DLC1: variants seen among roughly 807,000 people sequenced by gnomAD.
The protein encoded by DLC1 is DLC1 Rho GTPase activating protein, also known as rho GTPase-activating protein 7.
Under a neutral mutation model 140.3 loss-of-function variants are expected in DLC1, and 54 were observed. The ratio of observed to expected loss-of-function variants is 0.38; its 90% confidence interval spans 0.31 to 0.48. The LOEUF (loss-of-function observed/expected upper bound fraction) is 0.48. Ranked by LOEUF, DLC1 falls within the 20% of genes least tolerant of loss-of-function variation. The pLI is 0.96. For synonymous variants in DLC1, 986 were observed against 728.1 expected (o/e 1.35, Z -5.70); for missense variants, 2,536 against 1,907.0 (o/e 1.33, Z -6.14).
intron 2 of DLC1, among the ~76,000 whole-genome samples, chr8:13,443,955 A>G (rs886434626): frequency 2.2e-4 from 34 of 152,310 alleles, no homozygotes; most frequent in African/African-American, 7.0e-4. Context: ...CAATATCCTG[A>G]AGCTATCTGA....
At chr8:13,236,275 A>T (rs1023942370) in intron 5 of DLC1, among the ~76,000 whole-genome samples, 1 of 152,062 alleles carries the variant, frequency 6.6e-6, no homozygotes, top group South Asian at 2.1e-4. Context: ...TTGATTTTCT[A>T]TAGACTTTAA....
intron 6 of DLC1, among the ~76,000 whole-genome samples, chr8:13,112,719 AT>A (rs1820220444): frequency 6.6e-6 from 1 of 152,104 alleles, no homozygotes; most frequent in Admixed American, 6.6e-5. Context: ...TTGTTTTCAA[AT>A]TTTTTAAATA....
chr8:13,200,610 GT>G (rs1317711848), intron 5 of DLC1, among the ~76,000 whole-genome samples: 1 of 150,586 alleles, frequency 6.6e-6, no homozygotes, highest in Non-Finnish European at 1.5e-5. Flanking sequence ...GTGTGTGTGT[GT>G]TTTTTTTTAG....
At chr8:13,128,700 G>A (rs1175253047) in intron 5 of DLC1, among the ~76,000 whole-genome samples, 1 of 152,066 alleles carries the variant, frequency 6.6e-6, no homozygotes, top group Non-Finnish European at 1.5e-5. Context: ...GGGCATTGTG[G>A]CGGCGCCTAC....
chr8:13,178,369 T>C (rs1255911929), intron 5 of DLC1, among the ~76,000 whole-genome samples: 1 of 152,050 alleles, frequency 6.6e-6, no homozygotes, highest in East Asian at 1.9e-4. Flanking sequence ...AAGACCATCC[T>C]GGCCAACACA....
intron 2 of DLC1, among the ~76,000 whole-genome samples, chr8:13,438,400 TTC>T (rs1237158061): frequency 6.6e-6 from 1 of 152,294 alleles, no homozygotes; most frequent in East Asian, 1.9e-4. Flanking sequence ...GTCGCTTGCA[TTC>T]TTTTTTGTTT....
intron 11 of DLC1, 29 bp from the exon 12 acceptor site, chr8:13,094,986 G>T (rs754454012): frequency 6.2e-7 from 1 of 1,613,968 alleles, no homozygotes; most frequent in South Asian, 1.1e-5. Context: ...TAAGTGTGGG[G>T]TACATTCACG....
At chr8:13,178,614 T>C (rs190546466) in intron 5 of DLC1, among the ~76,000 whole-genome samples, 2 of 149,214 alleles carry the variant, frequency 1.3e-5, no homozygotes, top group African/African-American at 2.5e-5. Context: ...TATTAACTTC[T>C]ATACATCCAA....
intron 5 of DLC1, among the ~76,000 whole-genome samples, chr8:13,148,955 G>A (rs1350017027): frequency 6.6e-6 from 1 of 152,018 alleles, no homozygotes; most frequent in Non-Finnish European, 1.5e-5. Flanking sequence ...ACCACGCCCG[G>A]CTAATTTTTT....
chr8:13,299,546 C>T (rs1237443718), intron 5 of DLC1, among the ~76,000 whole-genome samples: 1 of 140,590 alleles, frequency 7.1e-6, no homozygotes, highest in Non-Finnish European at 1.5e-5. Context: ...CGCCTATCAT[C>T]TGGTGCCAGT....
At chr8:13,367,344 A>G (rs1835534749) in intron 4 of DLC1, among the ~76,000 whole-genome samples, 1 of 152,138 alleles carries the variant, frequency 6.6e-6, no homozygotes, top group Non-Finnish European at 1.5e-5. Flanking sequence ...AACTGCTGGC[A>G]GTGATTCTAC....
intron 5 of DLC1, among the ~76,000 whole-genome samples, chr8:13,235,146 A>G (rs2117215718): frequency 6.6e-6 from 1 of 152,174 alleles, no homozygotes; most frequent in Non-Finnish European, 1.5e-5. Flanking sequence ...GTTGCATTTT[A>G]TATCTATTTA....
At chr8:13,088,263 G>C (rs994724406) in intron 16 of DLC1, among the ~76,000 whole-genome samples, 2 of 152,094 alleles carry the variant, frequency 1.3e-5, no homozygotes, top group African/African-American at 4.8e-5. Context: ...AAATTTTTTT[G>C]TAGAGATAGG....
At chr8:13,356,120 T>A (rs985010720) in intron 4 of DLC1, among the ~76,000 whole-genome samples, 1 of 150,894 alleles carries the variant, frequency 6.6e-6, no homozygotes, top group Non-Finnish European at 1.5e-5. Context: ...AAAAATCTTA[T>A]TTTTTATTTT....
At chr8:13,541,650 T>C (rs374981685) in intron 1 of DLC1, among the ~76,000 whole-genome samples, 2 of 152,050 alleles carry the variant, frequency 1.3e-5, no homozygotes, top group Non-Finnish European at 2.9e-5. Context: ...CCCGGGTTCA[T>C]GCCATTCTCC....
At chr8:13,417,846 A>G (rs1160643196) in intron 2 of DLC1, among the ~76,000 whole-genome samples, 2 of 151,922 alleles carry the variant, frequency 1.3e-5, no homozygotes, top group South Asian at 2.1e-4. Context: ...AAGTGTTCCT[A>G]TTTCTCCACA....
At chr8:13,554,707 T>A (rs1230254476) in intron 1 of DLC1, among the ~76,000 whole-genome samples, 1 of 152,198 alleles carries the variant, frequency 6.6e-6, no homozygotes, top group Non-Finnish European at 1.5e-5. Flanking sequence ...GCTACCAGTC[T>A]GGTTCAAGAA....
intron 2 of DLC1, among the ~76,000 whole-genome samples, chr8:13,409,474 A>G (rs193055895): frequency 7.2e-5 from 11 of 152,330 alleles, no homozygotes; most frequent in Admixed American, 2.0e-4. Context: ...TTTCAGATAA[A>G]AAATAATAAG....
intron 5 of DLC1, among the ~76,000 whole-genome samples, chr8:13,300,044 A>G (rs1353661095): frequency 6.6e-6 from 1 of 152,220 alleles, no homozygotes; most frequent in East Asian, 1.9e-4. Flanking sequence ...AATGCCCATC[A>G]GTGATAGGCT....
Sources: gnomAD v4.1 joint callset for allele counts (sites outside exome capture counted in the v4.1 genomes callset) on GRCh38, gnomAD v4.1.1 for gene constraint, MANE v1.5 for transcripts, NCBI Gene and HGNC (gene_info 2026-07-23, HGNC 2026-07-21) for gene names.